SGCG: variants seen among roughly 807,000 people sequenced by gnomAD.
SGCG encodes sarcoglycan gamma.
A neutral mutation model predicts 29.3 loss-of-function variants in SGCG; 26 were observed. The ratio of observed to expected loss-of-function variants is 0.89; its 90% CI spans 0.65 to 1.23. The LOEUF (loss-of-function observed/expected upper bound fraction) is 1.23. Ranked by LOEUF, SGCG falls within the 50% of genes most tolerant of loss-of-function variation. The pLI is 0.00. For missense variants in SGCG, 353 were observed against 356.0 expected (o/e 0.99, Z 0.07); for synonymous variants, 145 against 129.7 (o/e 1.12, Z -0.80).
At chr13:23,313,434 G>A (rs1882680190) in intron 6 of SGCG, among the ~76,000 whole-genome samples, 1 of 151,974 alleles carries the variant, frequency 6.6e-6, no homozygotes, top group Non-Finnish European at 1.5e-5. Context: ...CAAAGTGTTG[G>A]GATTACAGAC....
chr13:23,282,783 G>A (rs931023138), intron 5 of SGCG, among the ~76,000 whole-genome samples: 2 of 152,082 alleles, frequency 1.3e-5, no homozygotes, highest in African/African-American at 4.8e-5. Flanking sequence ...AACATTTTGG[G>A]CTGGATAATG....
At chr13:23,236,773 C>T (rs74583107) in intron 3 of SGCG, among the ~76,000 whole-genome samples, 6,917 of 152,008 alleles carry the variant, frequency 0.046, 189 homozygotes, top group South Asian at 0.075. Context: ...AAAATTATAG[C>T]GAATATCTTA....
upstream of SGCG, among the ~76,000 whole-genome samples, chr13:23,177,013 T>G (rs1003352068): frequency 6.6e-6 from 1 of 152,224 alleles, no homozygotes; most frequent in Non-Finnish European, 1.5e-5. Flanking sequence ...AACTGTGGTA[T>G]ATATGCATGG....
At chr13:23,253,769 A>G (rs1880066032) in intron 4 of SGCG, among the ~76,000 whole-genome samples, 1 of 152,146 alleles carries the variant, frequency 6.6e-6, no homozygotes, top group African/African-American at 2.4e-5. Flanking sequence ...TCCCTCTCAA[A>G]CGGCTTGCAC....
chr13:23,310,383 G>A (rs549053760), intron 6 of SGCG, among the ~76,000 whole-genome samples: 1 of 152,236 alleles, frequency 6.6e-6, no homozygotes, highest in East Asian at 1.9e-4. Flanking sequence ...ACCGCGCCGG[G>A]CCTGAATTCT....
At chr13:23,286,038 G>A (rs9510671) in intron 5 of SGCG, among the ~76,000 whole-genome samples, 78,111 of 151,958 alleles carry the variant, frequency 0.51, 20,824 homozygotes, top group Middle Eastern at 0.73. Context: ...GCTGCAGACC[G>A]GAGCTGTTCC....
chr13:23,276,431 C>CTTT (rs71100165), intron 4 of SGCG, among the ~76,000 whole-genome samples: 9,299 of 101,538 alleles, frequency 0.092, 1,213 homozygotes, highest in Middle Eastern at 0.16. Context: ...TTTTAGTTTT[C>CTTT]TTTTTTTTTT....
chr13:23,234,782 G>A, intron 3 of SGCG, 70 bp downstream of exon 3: 1 of 1,040,816 alleles, frequency 9.6e-7, no homozygotes, highest in Admixed American at 1.7e-5. Flanking sequence ...CAAAAATTCA[G>A]TACAGTTTAG....
chr13:23,183,433 T>G (rs779218954), intron 1 of SGCG, among the ~76,000 whole-genome samples: 5 of 151,996 alleles, frequency 3.3e-5, no homozygotes, highest in Non-Finnish European at 7.4e-5. Context: ...CTGAGGCTAT[T>G]TCTGCTGTTT....
At position 23,277,498 on chromosome 13, in the gene SGCG, AAG is replaced by A. The variant is rs547528896; in HGVS notation, c.386-1859_386-1858del. ...CCAAAAATATTTATTTATTTAAATG[AAG>A]ACTCACTGGAGGGTTTTAAATACAA... On this transcript the variant is annotated intron_variant, in intron 4 of 7. Transcript: ENST00000218867. Among the ~76,000 whole-genome samples, 348 of 152,260 alleles carry A rather than the reference AAG, an allele frequency of 2.3e-3. 2 individuals carry two copies. Among genetic ancestry groups the A allele is most frequent in the African/African-American group, 8.0e-3 (333 of 41,542 alleles).
chr13:23,293,922 C>T (rs1356387149), intron 5 of SGCG, among the ~76,000 whole-genome samples: 2 of 151,956 alleles, frequency 1.3e-5, no homozygotes, highest in Admixed American at 6.6e-5. Context: ...AAACCTTTAC[C>T]CAGGCAATTT....
At chr13:23,175,402 C>T in the SGCG span, among the ~76,000 whole-genome samples, 1 of 152,130 alleles carries the variant, frequency 6.6e-6, no homozygotes, top group Non-Finnish European at 1.5e-5. Context: ...GATAATTACT[C>T]TTAACATATT....
intron 4 of SGCG, among the ~76,000 whole-genome samples, chr13:23,264,036 C>A (rs961284489): frequency 6.6e-6 from 1 of 152,010 alleles, no homozygotes; most frequent in Non-Finnish European, 1.5e-5. Context: ...CGAGGATGCC[C>A]ATTTTCACCA....
intron 3 of SGCG, among the ~76,000 whole-genome samples, chr13:23,248,543 A>G (rs1414546816): frequency 6.6e-6 from 1 of 151,654 alleles, no homozygotes; most frequent in Non-Finnish European, 1.5e-5. Flanking sequence ...ACAACAAAAA[A>G]AATTAGCCGG....
intron 6 of SGCG, among the ~76,000 whole-genome samples, chr13:23,303,159 A>AT (rs1882231925): frequency 6.6e-6 from 1 of 150,490 alleles, no homozygotes; most frequent in Non-Finnish European, 1.5e-5. Context: ...AGTGTAATAC[A>AT]TCATAATCGA....
chr13:23,277,856 AC>A (rs1881147591), intron 4 of SGCG, among the ~76,000 whole-genome samples: 1 of 151,864 alleles, frequency 6.6e-6, no homozygotes, highest in African/African-American at 2.4e-5. Flanking sequence ...CTGCCAGCAC[AC>A]CCAGCTAATT....
At chr13:23,248,721 G>T (rs1593196373) in intron 3 of SGCG, among the ~76,000 whole-genome samples, 2 of 147,586 alleles carry the variant, frequency 1.4e-5, no homozygotes, top group African/African-American at 5.0e-5. Context: ...GGCCGGGTTC[G>T]GTGGCTGATG....
chr13:23,236,159 C>T (rs1003818760), intron 3 of SGCG, among the ~76,000 whole-genome samples: 8 of 152,132 alleles, frequency 5.3e-5, no homozygotes, highest in Non-Finnish European at 7.4e-5. Context: ...ATTGTGATGG[C>T]ATTTCAGTGT....
intron 5 of SGCG, 43 bp downstream of exon 5, chr13:23,279,521 A>G: frequency 6.3e-7 from 1 of 1,595,160 alleles, no homozygotes; most frequent in Non-Finnish European, 8.6e-7. Flanking sequence ...CATGGAGTAC[A>G]CATCTGCAAA....
Sources: gnomAD v4.1 joint callset for allele counts (sites outside exome capture counted in the v4.1 genomes callset) on GRCh38, gnomAD v4.1.1 for gene constraint, MANE v1.5 for transcripts, NCBI Gene and HGNC (gene_info 2026-07-23, HGNC 2026-07-21) for gene names.